Variants in STEAP3 observed in about 807,000 individuals in gnomAD.
The protein encoded by STEAP3 is metalloreductase STEAP3.
STEAP3 carries 35 observed loss-of-function variants against 34.9 expected under a neutral mutation model. That is an observed-to-expected ratio of 1.00 (90% CI 0.76 to 1.33). STEAP3 has a LOEUF of 1.33. Among genes scored for constraint, STEAP3 ranks in the 40% most tolerant of loss-of-function variants. STEAP3 has a pLI of 0.00. For missense variants in STEAP3, 652 were observed against 667.6 expected, an observed-to-expected ratio of 0.98 and a Z score of 0.26; for synonymous variants, 281 against 301.6, an observed-to-expected ratio of 0.93 and a Z score of 0.71.
In STEAP3 at chr2:119,247,989, C is replaced by T. The variant is rs1677494367; in HGVS notation, c.833C>T (p.Ser278Leu). The T allele has an allele frequency of 6.2e-7, 1 of 1,612,472 alleles. No individual in the cohort carries two copies. Among genetic ancestry groups the T allele is most frequent in the Non-Finnish European group, 8.5e-7 (1 of 1,179,952 alleles). The change falls in exon 4 of 6, where the codon TCA (serine) becomes TTA (leucine). Residue 278 changes from serine to leucine, a missense_variant. Transcript: ENST00000393110. ...CCGTGCGTGGCCTACGTGCTGCTGT[C>T]ACTCGTGTACTTGCCCGGCGTGCTG... The part of the protein sequence containing the change: ...TLPCVAYVLL[S>L]LVYLPGVLAA...
rs762616850 is a variant in STEAP3, at chr2:119,245,591, G to T, written c.125G>T (p.Gly42Val). Residue 42 changes from glycine (G) to valine (V), a missense_variant, in exon 3 of 6, where the codon GGC (glycine) becomes GTC (valine). Coordinates refer to ENST00000393110, the MANE Select transcript of STEAP3 (RefSeq NM_182915.3). Reference sequence around the variant, plus strand: ...GTCCCCGATGAGGCCCCCAAAGTGGGCATCCTGGGTAGCGGGGACTTTGCC... The same window carrying T: ...GTCCCCGATGAGGCCCCCAAAGTGGTCATCCTGGGTAGCGGGGACTTTGCC... ...AKVPDEAPKV[G>V]ILGSGDFARS... is the part of the protein sequence containing the mutation. 1.4e-5 allele frequency: 23 copies of T among 1,607,256 alleles called. No homozygotes were observed. The East Asian group carries it at 4.9e-4, about 34-fold the overall frequency.
chr2:119,229,266 C>T (rs958769655), intron 1 of STEAP3, among the ~76,000 whole-genome samples: 23 of 152,310 alleles, frequency 1.5e-4, no homozygotes, highest in African/African-American at 5.3e-4. Context: ...CCTCAGCCTC[C>T]CGAGCAGCTG....
At position 119,264,842 on chromosome 2, in the gene STEAP3, A is replaced by G. The variant is rs201034319; in HGVS notation, c.*1504A>G. 7 of 149,150 alleles carry G rather than the reference A, an allele frequency of 4.7e-5. No homozygotes were observed. The East Asian group carries it at 1.4e-3, about 29-fold the overall frequency. 9.2% of individuals were successfully genotyped at this position (149,150 alleles called of 1,614,324 possible). The stretch of plus-strand genomic sequence containing the variant: ...AGGGAGGTTTCATGAGCTCATGTCT[A>G]TGCAGCACATAAGGGTTCTTCAGTG... On this transcript the variant is annotated 3_prime_UTR_variant, in exon 6 of 6. Transcript: ENST00000393110.
At position 119,248,101 on chromosome 2, in the gene STEAP3, C is replaced by G. The variant is rs552496803; in HGVS notation, c.945C>G (p.Ile315Met). 6 of 1,608,688 alleles carry G rather than the reference C, an allele frequency of 3.7e-6. No homozygotes were observed. The East Asian group carries it at 1.3e-4, about 36-fold the overall frequency. ...ACTGGCTACAGCACCGCAAGCAGAT[C>G]GGGCTGCTCAGCTTCTTCTGCGCCG... is the stretch of plus-strand genomic sequence containing the variant. The part of the protein sequence containing the change: ...LDHWLQHRKQ[I>M]GLLSFFCAAL... Residue 315 changes from isoleucine (I) to methionine (M), a missense_variant, in exon 4 of 6, where the codon ATC (isoleucine) becomes ATG (methionine). Physicochemically the swap from Ile to Met is conservative, Grantham distance 10. Coordinates refer to ENST00000393110, the MANE Select transcript of STEAP3 (RefSeq NM_182915.3).
chr2:119,235,927 G>T (rs1677081844), intron 2 of STEAP3, among the ~76,000 whole-genome samples: 1 of 152,176 alleles, frequency 6.6e-6, no homozygotes, highest in Non-Finnish European at 1.5e-5. Flanking sequence ...CAGCCACCAG[G>T]GCTGTGGCCC....
rs376151247 is a variant in STEAP3, at chr2:119,264,814, G to GC, written c.*1478dup. ...ATGAGGCTGCCCCTGCCCCCCCCCCGCCAGGGAGGTTTCATGAGCTCATGT... is the reference window on the plus strand; with the variant it reads ...ATGAGGCTGCCCCTGCCCCCCCCCCGCCCAGGGAGGTTTCATGAGCTCATGT... On this transcript the variant is annotated 3_prime_UTR_variant, in exon 6 of 6. Coordinates refer to ENST00000393110, the MANE Select transcript of STEAP3 (RefSeq NM_182915.3). 2.5e-5 allele frequency: 2 copies of GC among 80,696 alleles called. No individual in the cohort carries two copies. The highest frequency in any genetic ancestry group is 7.4e-5 in the African/African-American group (2 of 27,074). The allele number at this position is 80,696 out of a possible 1,614,324, so 5.0% of individuals were successfully genotyped here.
At chr2:119,245,203 C>T (rs1456991171) in intron 2 of STEAP3, 6 of 430,744 alleles carry the variant, frequency 1.4e-5, no homozygotes, top group Non-Finnish European at 2.5e-5. Context: ...TTCCCTTTCC[C>T]AGCACTCTCA....
intron 4 of STEAP3, 57 bp downstream of exon 4, chr2:119,248,263 C>T: frequency 7.0e-7 from 1 of 1,420,106 alleles, no homozygotes; most frequent in East Asian, 2.3e-5. Context: ...TGTCCAGCAC[C>T]TCCCCCCCCC....
At chr2:119,239,685 C>T (rs971203845) in intron 2 of STEAP3, among the ~76,000 whole-genome samples, 1 of 152,154 alleles carries the variant, frequency 6.6e-6, no homozygotes, top group African/African-American at 2.4e-5. Context: ...CGGCTCAGGC[C>T]CACCTCCTGC....
chr2:119,226,501 T>A (rs838105), intron 1 of STEAP3, among the ~76,000 whole-genome samples: 5 of 152,294 alleles, frequency 3.3e-5, no homozygotes, highest in African/African-American at 9.6e-5. Flanking sequence ...TGCTTTTTTC[T>A]GCTCCTACCC....
intron 3 of STEAP3, among the ~76,000 whole-genome samples, chr2:119,247,309 G>A (rs1035409081): frequency 2.0e-5 from 3 of 152,232 alleles, no homozygotes; most frequent in African/African-American, 4.8e-5. Flanking sequence ...TTTGCTGAGC[G>A]GCTCCCAGGG....
intron 1 of STEAP3, among the ~76,000 whole-genome samples, chr2:119,226,804 A>T (rs529846059): frequency 6.6e-6 from 1 of 152,296 alleles, no homozygotes; most frequent in South Asian, 2.1e-4. Flanking sequence ...CCCATGTGCC[A>T]GCATCCGGGC....
In STEAP3 at chr2:119,254,725, C is replaced by T; in HGVS notation, c.1092C>T (p.Val364=). The part of the protein sequence containing the change: ...NKSHLWVEEE[V]WRMEIYLSLG... ...GCCACCTCTGGGTGGAGGAGGAGGT[C>T]TGGCGGATGGAGATCTACCTCTCCC... The change falls in exon 5 of 6, where the codon GTC becomes GTT. Residue 364 remains valine, a synonymous_variant. Coordinates refer to ENST00000393110, the MANE Select transcript of STEAP3 (RefSeq NM_182915.3). 6.2e-7 allele frequency: 1 copy of T among 1,614,140 alleles called. No individual in the cohort carries two copies. The highest frequency in any genetic ancestry group is 8.5e-7 in the Non-Finnish European group (1 of 1,180,006).
At chr2:119,228,113 A>G (rs760215174) in intron 1 of STEAP3, among the ~76,000 whole-genome samples, 12 of 152,170 alleles carry the variant, frequency 7.9e-5, no homozygotes, top group Non-Finnish European at 1.5e-4. Flanking sequence ...TACAGGTGTG[A>G]GTCACCACAG....
chr2:119,236,812 G>A (rs1314696414), intron 2 of STEAP3, among the ~76,000 whole-genome samples: 1 of 152,150 alleles, frequency 6.6e-6, no homozygotes, highest in African/African-American at 2.4e-5. Context: ...GAGCTGGTGG[G>A]GTGGACCTCA....
chr2:119,254,513 GT>G (rs973872298), intron 4 of STEAP3, among the ~76,000 whole-genome samples, 170 bp from the exon 5 acceptor site: 4 of 152,172 alleles, frequency 2.6e-5, no homozygotes, highest in Non-Finnish European at 5.9e-5. Flanking sequence ...TTGTGGGGTG[GT>G]TTTGAGGATT....
intron 2 of STEAP3, among the ~76,000 whole-genome samples, chr2:119,238,667 C>A (rs960786394): frequency 6.6e-6 from 1 of 152,180 alleles, no homozygotes; most frequent in Admixed American, 6.5e-5. Flanking sequence ...GGTGAGCAGG[C>A]AGACAGACAG....
In STEAP3 at chr2:119,236,147, G is replaced by A. The variant is rs564581764; in HGVS notation, c.22+5113G>A. Among the ~76,000 whole-genome samples the A allele has an allele frequency of 2.8e-4, 43 of 152,302 alleles. No homozygotes were observed. The South Asian group carries it at 5.6e-3, about 20-fold the overall frequency. ...ATTTTTCCATTAGGCAGAGAACACCGTGTATTGATTTGGGTGCATCTATTT... is the reference window on the plus strand; with the variant it reads ...ATTTTTCCATTAGGCAGAGAACACCATGTATTGATTTGGGTGCATCTATTT... On this transcript the variant is annotated intron_variant, in intron 2 of 5. Transcript: ENST00000393110.
intron 2 of STEAP3, among the ~76,000 whole-genome samples, chr2:119,240,500 G>A (rs555530627): frequency 1.3e-5 from 2 of 152,376 alleles, no homozygotes; most frequent in East Asian, 3.9e-4. Flanking sequence ...GGTGATCGGT[G>A]TCCATGAAGA....
Sources: gnomAD v4.1 joint callset for allele counts (sites outside exome capture counted in the v4.1 genomes callset) on GRCh38, gnomAD v4.1.1 for gene constraint, MANE v1.5 for transcripts, NCBI Gene and HGNC (gene_info 2026-07-23, HGNC 2026-07-21) for gene names.